The following ERI3 variants were observed in gnomAD, a reference collection of about 807,000 sequenced individuals.
ERI3 encodes the protein ERI1 exoribonuclease family member 3, also known as ERI1 exoribonuclease 3.
A neutral mutation model predicts 44.4 loss-of-function variants in ERI3; 18 were observed. That is an observed-to-expected ratio of 0.41 (90% CI 0.28 to 0.60). ERI3 has a LOEUF of 0.60. Ranked by LOEUF, ERI3 falls within the 20% of genes least tolerant of loss-of-function variation. The pLI is 0.36. For missense variants in ERI3, 294 were observed against 435.5 expected (o/e 0.68, Z 2.89); for synonymous variants, 183 against 164.8 (o/e 1.11, Z -0.84).
intron 6 of ERI3, among the ~76,000 whole-genome samples, chr1:44,285,436 T>C (rs1008190105): frequency 2.0e-5 from 3 of 152,172 alleles, no homozygotes; most frequent in Admixed American, 1.3e-4. Context: ...AGGCAGAGTA[T>C]ATGACTTAGA....
At chr1:44,316,934 G>A (rs1030051796) in intron 4 of ERI3, among the ~76,000 whole-genome samples, 28 of 152,108 alleles carry the variant, frequency 1.8e-4, no homozygotes, top group Admixed American at 1.6e-3. Context: ...TCAGAACCAC[G>A]TCTCCAGGCC....
chr1:44,226,819 T>A (rs1421485996), intron 8 of ERI3, among the ~76,000 whole-genome samples: 35 of 99,758 alleles, frequency 3.5e-4, no homozygotes, highest in Middle Eastern at 4.9e-3. Context: ...ACACACAAAC[T>A]ATCCTATGTT....
At chr1:44,264,604 C>G (rs1381488919) in intron 7 of ERI3, among the ~76,000 whole-genome samples, 1 of 152,200 alleles carries the variant, frequency 6.6e-6, no homozygotes, top group Non-Finnish European at 1.5e-5. Context: ...CTTCCTGAGC[C>G]CCCATATCCC....
intron 7 of ERI3, among the ~76,000 whole-genome samples, chr1:44,264,533 T>C (rs1644952878): frequency 1.3e-5 from 2 of 152,258 alleles, no homozygotes; most frequent in African/African-American, 2.4e-5. Flanking sequence ...AAGGTAATCA[T>C]GCCGCCAGGC....
At position 44,310,993 on chromosome 1, in the gene ERI3, A is replaced by G. The variant is rs1359321330; in HGVS notation, c.666+2176T>C. 3.0e-4 allele frequency among the ~76,000 whole-genome samples: 45 copies of G among 151,028 alleles called. 1 individual carries two copies. The highest frequency in any genetic ancestry group is 6.9e-3 in the Middle Eastern group (2 of 290). On this transcript the variant is annotated intron_variant, in intron 5 of 8. Transcript: ENST00000372257. Reference sequence around the variant, plus strand: ...CACACACACACACACACACACACACACACACACACACACACACACACACGT... The same window carrying G: ...CACACACACACACACACACACACACGCACACACACACACACACACACACGT...
chr1:44,254,046 C>A (rs1049142791), intron 7 of ERI3, among the ~76,000 whole-genome samples: 3 of 152,220 alleles, frequency 2.0e-5, no homozygotes, highest in Admixed American at 6.5e-5. Context: ...CTAACTCACT[C>A]CTGGATATAC....
At chr1:44,318,019 T>C (rs1646126828) in intron 4 of ERI3, among the ~76,000 whole-genome samples, 1 of 152,210 alleles carries the variant, frequency 6.6e-6, no homozygotes, top group Admixed American at 6.5e-5. Flanking sequence ...CTACCACTCC[T>C]ACTCCCCTCC....
chr1:44,259,689 GACACAC>G (rs58901342), intron 7 of ERI3, among the ~76,000 whole-genome samples: 35,148 of 140,314 alleles, frequency 0.25, 4,267 homozygotes, highest in Middle Eastern at 0.27. Flanking sequence ...AAAACACACA[GACACAC>G]ACACACACAC....
chr1:44,293,894 G>A (rs1645558602), intron 6 of ERI3, among the ~76,000 whole-genome samples: 1 of 152,162 alleles, frequency 6.6e-6, no homozygotes. Flanking sequence ...GGTCACGGCT[G>A]CCATGTAACA....
chr1:44,354,568 T>C (rs755311362), intron 1 of ERI3: 50 of 985,294 alleles, frequency 5.1e-5, no homozygotes, highest in Non-Finnish European at 5.9e-5. Context: ...ACTGCTAACC[T>C]GGTGTGTGGG....
In ERI3 at chr1:44,329,075, T is replaced by G. The variant is rs191558353; in HGVS notation, c.490-9331A>C. Among the ~76,000 whole-genome samples the G allele has an allele frequency of 5.8e-4, 88 of 152,278 alleles. 1 individual carries two copies. The highest frequency in any genetic ancestry group is 2.9e-3 in the Admixed American group (44 of 15,302). On this transcript the variant is annotated intron_variant, in intron 3 of 8. Transcript: ENST00000372257. ...ACCAGGGCATCAGCTACCCTCAGAG[T>G]GCTCAGCACACTATTGTCTCAGCCC...
chr1:44,276,025 T>A (rs970364380), intron 7 of ERI3, among the ~76,000 whole-genome samples: 1 of 152,148 alleles, frequency 6.6e-6, no homozygotes, highest in African/African-American at 2.4e-5. Flanking sequence ...GGGAGCCAGC[T>A]TGTACAGAGA....
intron 6 of ERI3, among the ~76,000 whole-genome samples, chr1:44,286,556 G>A (rs1176660615): frequency 6.6e-6 from 1 of 152,124 alleles, no homozygotes; most frequent in Non-Finnish European, 1.5e-5. Context: ...GAACAGAATA[G>A]AGCGAGGTGA....
intron 8 of ERI3, among the ~76,000 whole-genome samples, chr1:44,222,009 TG>T (rs1279437248): frequency 6.6e-6 from 1 of 152,226 alleles, no homozygotes; most frequent in Non-Finnish European, 1.5e-5. Flanking sequence ...TGCTGCCGCG[TG>T]GGGACGGCCC....
chr1:44,319,405 G>A (rs973978377), intron 4 of ERI3, among the ~76,000 whole-genome samples: 2 of 152,220 alleles, frequency 1.3e-5, no homozygotes, highest in African/African-American at 4.8e-5. Context: ...AGGGATGCTG[G>A]GGAAGCAGGG....
At chr1:44,242,102 A>T (rs1644451603) in intron 8 of ERI3, 2 of 985,562 alleles carry the variant, frequency 2.0e-6, no homozygotes, top group African/African-American at 1.7e-5. Context: ...GGGAGAGTTA[A>T]CCCTTCTCAT....
intron 8 of ERI3, among the ~76,000 whole-genome samples, chr1:44,239,921 C>T (rs1194558175): frequency 6.6e-6 from 1 of 152,250 alleles, no homozygotes; most frequent in Admixed American, 6.5e-5. Context: ...AGCTCTGCGG[C>T]TCCCCGCCCG....
chr1:44,241,999 T>G lies in ERI3; in HGVS notation c.931+5940A>C. On this transcript the variant is annotated intron_variant, in intron 8 of 8. Coordinates refer to ENST00000372257, the MANE Select transcript of ERI3 (RefSeq NM_024066.3). This position sits in a 1 kb window ranked among gnomAD's most constrained non-coding sequence, Gnocchi z 5.6. Reference sequence around the variant, plus strand: ...CAAGAACCAATTCCTCAGATGTCTCTGGGGCTCCAAGGGGGTCAGCTCAGG... The same window carrying G: ...CAAGAACCAATTCCTCAGATGTCTCGGGGGCTCCAAGGGGGTCAGCTCAGG... 9 of 985,710 alleles carry G rather than the reference T, an allele frequency of 9.1e-6. No individual in the cohort carries two copies. Among genetic ancestry groups the G allele is most frequent in the Non-Finnish European group, 1.1e-5 (9 of 830,096 alleles). The allele number at this position is 985,710 out of a possible 1,614,324, so 61.1% of individuals were successfully genotyped here.
intron 1 of ERI3, 119 bp from the exon 2 acceptor site, chr1:44,353,044 G>C: frequency 6.5e-7 from 1 of 1,537,446 alleles, no homozygotes. Context: ...CTATCTATGT[G>C]CAAAGACAGT....
Sources: gnomAD v4.1 joint callset for allele counts (sites outside exome capture counted in the v4.1 genomes callset) on GRCh38, gnomAD v4.1.1 for gene constraint, Gnocchi (gnomAD v3.1) non-coding constraint, MANE v1.5 for transcripts, NCBI Gene and HGNC (gene_info 2026-07-23, HGNC 2026-07-21) for gene names.